The following ITGA2 variants were observed in gnomAD, a reference collection of about 807,000 sequenced individuals.
ITGA2 encodes the protein integrin subunit alpha 2.
ITGA2 carries 101 observed loss-of-function variants against 146.3 expected under a neutral mutation model. The ratio of observed to expected loss-of-function variants is 0.69; its 90% CI spans 0.59 to 0.81. The LOEUF (loss-of-function observed/expected upper bound fraction) is 0.81. Ranked by LOEUF, ITGA2 falls within the 40% of genes least tolerant of loss-of-function variation. The pLI is 0.00. For missense variants in ITGA2, 1,281 were observed against 1,402.7 expected (o/e 0.91, Z 1.39); for synonymous variants, 477 against 487.1 (o/e 0.98, Z 0.27).
chr5:53,002,795 T>C (rs1437464340), intron 1 of ITGA2, among the ~76,000 whole-genome samples: 2 of 152,258 alleles, frequency 1.3e-5, no homozygotes, highest in African/African-American at 4.8e-5. Flanking sequence ...ATCTGTAATG[T>C]GGAATTTACC....
chr5:53,090,093 G>A (rs1428150996), intron 29 of ITGA2, 31 bp downstream of exon 29: 1 of 1,251,448 alleles, frequency 8.0e-7, no homozygotes, highest in Non-Finnish European at 1.2e-6. Flanking sequence ...TAAAATACAG[G>A]GCTCCTGAAG....
intron 1 of ITGA2, among the ~76,000 whole-genome samples, chr5:52,994,823 A>G (rs765671692): frequency 4.2e-4 from 64 of 152,220 alleles, no homozygotes; most frequent in Admixed American, 1.8e-3. Context: ...TGTGTTCACA[A>G]TTAATGAGTG....
rs1387744370 is a variant in ITGA2, at chr5:52,989,512, T to C, written c.44T>C (p.Leu15Pro). 4 of 1,613,442 alleles carry C rather than the reference T, an allele frequency of 2.5e-6. No homozygotes were observed. Among genetic ancestry groups the C allele is most frequent in the Non-Finnish European group, 3.4e-6 (4 of 1,179,814 alleles). ...GGGGCCGCGCCGCTGCCGCTGCTGC[T>C]GGTGTTAGCGCTCAGTCAAGGTAAG... is the stretch of plus-strand genomic sequence containing the variant. ...RTGAAPLPLL[L>P]VLALSQGILN... Residue 15 changes from leucine (L) to proline (P), a missense_variant, in exon 1 of 30, where the codon CTG becomes CCG. Physicochemically the swap from Leu to Pro is moderately conservative, Grantham distance 98 (BLOSUM62 -3). This residue lies in a region of ITGA2 where 795 missense variants were observed against 841.7 expected (regional missense o/e 0.94). Transcript: ENST00000296585.
Position 53,020,848 on chromosome 5 carries a change from A to ATTT in ITGA2, c.65-5884_65-5882dup, listed in dbSNP as rs532121575. ...AGGTATGTGCCACCATGTCCGGCTA[A>ATTT]TTTTTTTTTTTTTTTTTTGTATTTT... On this transcript the variant is annotated intron_variant, in intron 1 of 29. Coordinates refer to ENST00000296585, the MANE Select transcript of ITGA2 (RefSeq NM_002203.4). 8.7e-3 allele frequency among the ~76,000 whole-genome samples: 1,167 copies of ATTT among 133,374 alleles called. 22 individuals are homozygous for ATTT. The highest frequency in any genetic ancestry group is 0.03 in the African/African-American group (1,103 of 36,340). The allele number at this position is 133,374 out of a possible 152,430, so 87.5% of individuals were successfully genotyped here. A position where few individuals can be genotyped will look rare whatever the true frequency, so the allele number is the denominator to read the frequency against.
At chr5:53,081,970 T>C (rs911874160) in intron 26 of ITGA2, among the ~76,000 whole-genome samples, 1 of 152,206 alleles carries the variant, frequency 6.6e-6, no homozygotes, top group African/African-American at 2.4e-5. Flanking sequence ...TTCCAGACTT[T>C]ATGACATCAG....
chr5:52,992,416 C>T (rs139161733), intron 1 of ITGA2, among the ~76,000 whole-genome samples: 1 of 152,194 alleles, frequency 6.6e-6, no homozygotes, highest in Non-Finnish European at 1.5e-5. Context: ...CAAATTTCTC[C>T]AGCTAGACAG....
At chr5:53,062,979 A>C (rs1317733767) in intron 13 of ITGA2, 50 bp downstream of exon 13, 1 of 1,475,504 alleles carries the variant, frequency 6.8e-7, no homozygotes, top group Admixed American at 1.8e-5. Flanking sequence ...AGTACTGGTA[A>C]TTTAACTTGC....
In ITGA2 at chr5:53,039,860, G is replaced by GT. The variant is rs1255809744; in HGVS notation, c.186-2244dup. Among the ~76,000 whole-genome samples, 36 of 147,692 alleles carry GT rather than the reference G, an allele frequency of 2.4e-4. No individual in the cohort carries two copies. In the East Asian group the frequency reaches 6.1e-3, roughly 25 times the overall value. ...TTCATTTGCTTGTTCATTTGCTGTT[G>GT]TTTTTTTTAACTCATTTGTTCAACA... On this transcript the variant is annotated intron_variant, in intron 2 of 29. Coordinates refer to ENST00000296585, the MANE Select transcript of ITGA2 (RefSeq NM_002203.4).
chr5:53,056,008 G>T lies in ITGA2; in HGVS notation c.955G>T (p.Ala319Ser). The change falls in exon 9 of 30, where the codon GCC (alanine) becomes TCC (serine). Residue 319 changes from alanine to serine, a missense_variant. Coordinates refer to ENST00000296585, the MANE Select transcript of ITGA2 (RefSeq NM_002203.4). ...IAVLGYLNRN[A>S]LDTKNLIKEI... ...GGTTCTTGGGTACTTAAACAGAAAC[G>T]CCCTTGATACTAAAAATTTAATAAA... is the stretch of plus-strand genomic sequence containing the variant. 6.2e-7 allele frequency: 1 copy of T among 1,609,208 alleles called. No homozygotes were observed. Among genetic ancestry groups the T allele is most frequent in the Non-Finnish European group, 8.5e-7 (1 of 1,177,962 alleles).
rs926499726 is a variant in ITGA2, at chr5:53,071,867, G to A, written c.2236-71G>A. The A allele has an allele frequency of 2.8e-6, 3 of 1,054,174 alleles. No individual in the cohort carries two copies. The African/African-American group carries it at 4.7e-5, about 16-fold the overall frequency. The allele number at this position is 1,054,174 out of a possible 1,614,324, so 65.3% of individuals were successfully genotyped here. On this transcript the variant is annotated intron_variant, in intron 17 of 29. Coordinates refer to ENST00000296585, the MANE Select transcript of ITGA2 (RefSeq NM_002203.4). Reference sequence around the variant, plus strand: ...TAAACACATTTGGAATCATTTTCTTGTTTTAATGTTGCTATGCTCTAATAA... The same window carrying A: ...TAAACACATTTGGAATCATTTTCTTATTTTAATGTTGCTATGCTCTAATAA...
At chr5:53,006,949 G>A (rs986809025) in intron 1 of ITGA2, among the ~76,000 whole-genome samples, 4 of 152,178 alleles carry the variant, frequency 2.6e-5, no homozygotes, top group Admixed American at 6.5e-5. Flanking sequence ...TTGAAATGCT[G>A]TAGCTCCTAT....
intron 1 of ITGA2, among the ~76,000 whole-genome samples, chr5:53,015,989 G>A (rs1445647517): frequency 6.6e-6 from 1 of 152,140 alleles, no homozygotes; most frequent in African/African-American, 2.4e-5. Flanking sequence ...CATCACATGT[G>A]AGAAGGTTCT....
At chr5:53,003,797 A>G (rs1012423753) in intron 1 of ITGA2, among the ~76,000 whole-genome samples, 13 of 152,088 alleles carry the variant, frequency 8.5e-5, no homozygotes, top group African/African-American at 2.9e-4. Flanking sequence ...GTCCTCGACC[A>G]TTCATTGTTT....
chr5:52,995,681 C>T, intron 1 of ITGA2, among the ~76,000 whole-genome samples: 1 of 152,108 alleles, frequency 6.6e-6, no homozygotes, highest in East Asian at 1.9e-4. Flanking sequence ...ATGTATATGT[C>T]TAATTAGCAA....
chr5:52,999,938 A>G (rs1278180071), intron 1 of ITGA2, among the ~76,000 whole-genome samples: 2 of 152,174 alleles, frequency 1.3e-5, no homozygotes, highest in Non-Finnish European at 2.9e-5. Context: ...GAAGTCCCCT[A>G]TATGTTCTTT....
At position 53,064,950 on chromosome 5, in the gene ITGA2, G is replaced by A. The variant is rs150232092; in HGVS notation, c.1641G>A (p.Glu547=). ...AGCACCAATTTCTTGAAGGCCCCGA[G>A]GGCATTGAAAACACTCGATTTGGTT... ...LGQHQFLEGP[E]GIENTRFGSA... Residue 547 remains glutamate, a synonymous_variant, in exon 14 of 30, where the codon GAG becomes GAA. Coordinates refer to ENST00000296585, the MANE Select transcript of ITGA2 (RefSeq NM_002203.4). 8 of 1,612,668 alleles carry A rather than the reference G, an allele frequency of 5.0e-6. No homozygotes were observed. In the African/African-American group the frequency reaches 6.7e-5, roughly 13 times the overall value.
At position 53,026,775 on chromosome 5, in the gene ITGA2, A is replaced by G. The variant is rs765089141; in HGVS notation, c.92A>G (p.Asn31Ser). The change falls in exon 2 of 30, where the codon AAT becomes AGT. Residue 31 changes from asparagine (N) to serine (S), a missense_variant. By Grantham distance (46) the Asn-to-Ser change is conservative. This residue lies in a region of ITGA2 where 795 missense variants were observed against 841.7 expected (regional missense o/e 0.94). Transcript: ENST00000296585. ...QGILNCCLAY[N>S]VGLPEAKIFS... Reference sequence around the variant, plus strand: ...ATTTTAAATTGTTGTTTGGCCTACAATGTTGGTCTCCCAGAAGCAAAAATA... The same window carrying G: ...ATTTTAAATTGTTGTTTGGCCTACAGTGTTGGTCTCCCAGAAGCAAAAATA... 7 of 1,611,760 alleles carry G rather than the reference A, an allele frequency of 4.3e-6. No homozygotes were observed. The highest frequency in any genetic ancestry group is 4.5e-5 in the East Asian group (2 of 44,836).
chr5:53,066,137 A>G (rs1016521590), intron 15 of ITGA2, among the ~76,000 whole-genome samples, 160 bp downstream of exon 15: 6 of 151,934 alleles, frequency 3.9e-5, no homozygotes, highest in Non-Finnish European at 7.4e-5. Context: ...GTGTTTTTCC[A>G]AGTAGGAAAA....
intron 2 of ITGA2, among the ~76,000 whole-genome samples, chr5:53,030,800 C>T (rs1743188216): frequency 6.6e-6 from 1 of 152,210 alleles, no homozygotes; most frequent in Non-Finnish European, 1.5e-5. Context: ...AAACCCCTTG[C>T]AGTTAATGGT....
Sources: allele counts gnomAD v4.1 joint callset (sites outside exome capture counted in the v4.1 genomes callset), GRCh38; gene constraint gnomAD v4.1.1; regional missense constraint gnomAD v4.1.1; transcripts MANE v1.5; gene names NCBI Gene and HGNC (gene_info 2026-07-23, HGNC 2026-07-21).